EYS: variants seen among roughly 807,000 people sequenced by gnomAD.
The protein encoded by EYS is protein eyes shut homolog.
Under a neutral mutation model 282.1 loss-of-function variants are expected in EYS, and 250 were observed. The ratio of observed to expected loss-of-function variants is 0.89; its 90% CI spans 0.80 to 0.98. EYS has a LOEUF of 0.98. Ranked by LOEUF, EYS falls within the 50% of genes least tolerant of loss-of-function variation. The pLI is 0.00. For synonymous variants in EYS, 1,355 were observed against 1,282.9 expected, an observed-to-expected ratio of 1.06 and a Z score of -1.20; for missense variants, 4,016 against 3,709.0, an observed-to-expected ratio of 1.08 and a Z score of -2.15.
intron 13 of EYS, among the ~76,000 whole-genome samples, chr6:65,027,104 A>G (rs973385097): frequency 6.6e-6 from 1 of 151,932 alleles, no homozygotes; most frequent in Non-Finnish European, 1.5e-5. Flanking sequence ...TTACATGTAA[A>G]GTAGTTTCAG....
rs1274884825 is a variant in EYS, at chr6:63,721,705, C to CT, written c.8325dup (p.Val2776SerfsTer36). ...TGCCAAGTACTTCCGTTTATAGTTA[C>CT]TTTTTGGAGAGTTTCTAGAATGATA... On this transcript the variant is annotated frameshift_variant, in exon 43 of 43. Coordinates refer to ENST00000503581, the MANE Select transcript of EYS (RefSeq NM_001142800.2). LOFTEE classifies it low-confidence loss of function (END_TRUNC). 1 of 1,551,264 alleles carries CT rather than the reference C, an allele frequency of 6.4e-7. No homozygotes were observed. Among genetic ancestry groups the CT allele is most frequent in the Non-Finnish European group, 8.7e-7 (1 of 1,146,730 alleles).
At chr6:64,069,268 CATTT>C (rs1771483743) in intron 32 of EYS, among the ~76,000 whole-genome samples, 1 of 151,884 alleles carries the variant, frequency 6.6e-6, no homozygotes, top group Non-Finnish European at 1.5e-5. Flanking sequence ...ATCATTTTTT[CATTT>C]TCCATTTTGA....
At chr6:64,125,143 A>ACTCTCTCTCT (rs1562213495) in intron 31 of EYS, among the ~76,000 whole-genome samples, 4 of 147,298 alleles carry the variant, frequency 2.7e-5, no homozygotes, top group African/African-American at 1.1e-4. Context: ...ACACACACAC[A>ACTCTCTCTCT]CACACTCTCT....
chr6:65,270,005 A>G (rs1249017892), intron 12 of EYS, among the ~76,000 whole-genome samples: 1 of 152,162 alleles, frequency 6.6e-6, no homozygotes, highest in Non-Finnish European at 1.5e-5. Flanking sequence ...AACTTACACT[A>G]GCATCACCTC....
At chr6:64,239,737 G>A (rs1490110902) in intron 30 of EYS, among the ~76,000 whole-genome samples, 1 of 151,940 alleles carries the variant, frequency 6.6e-6, no homozygotes, top group Non-Finnish European at 1.5e-5. Flanking sequence ...TTCTTTTGCT[G>A]TGCTGAAGCT....
At chr6:64,452,636 G>C (rs1169084109) in intron 26 of EYS, among the ~76,000 whole-genome samples, 1 of 152,092 alleles carries the variant, frequency 6.6e-6, no homozygotes, top group Non-Finnish European at 1.5e-5. Flanking sequence ...AACCAAAACA[G>C]CATGGTACTG....
intron 12 of EYS, among the ~76,000 whole-genome samples, chr6:65,084,826 C>A (rs913969609): frequency 6.6e-6 from 1 of 152,086 alleles, no homozygotes; most frequent in Non-Finnish European, 1.5e-5. Flanking sequence ...TAGCATACAG[C>A]ATGCTGAAAC....
At chr6:65,234,973 T>C (rs1766886039) in intron 12 of EYS, among the ~76,000 whole-genome samples, 1 of 152,312 alleles carries the variant, frequency 6.6e-6, no homozygotes, top group Non-Finnish European at 1.5e-5. Flanking sequence ...TGGAGCATGA[T>C]GTGTTAAAAT....
At chr6:63,951,440 G>A (rs1765588836) in intron 35 of EYS, among the ~76,000 whole-genome samples, 1 of 151,986 alleles carries the variant, frequency 6.6e-6, no homozygotes, top group Non-Finnish European at 1.5e-5. Flanking sequence ...AATGTGACTT[G>A]TCCCAAATCC....
chr6:65,120,970 T>C (rs1775530871), intron 12 of EYS, among the ~76,000 whole-genome samples: 1 of 152,216 alleles, frequency 6.6e-6, no homozygotes, highest in African/African-American at 2.4e-5. Context: ...TCCGTTCTGC[T>C]GCACCATCCT....
chr6:65,102,792 C>T (rs1369362983), intron 12 of EYS, among the ~76,000 whole-genome samples: 3 of 151,040 alleles, frequency 2.0e-5, no homozygotes, highest in Non-Finnish European at 4.5e-5. Context: ...AATTAAAGCT[C>T]ATTATTGTGT....
intron 22 of EYS, among the ~76,000 whole-genome samples, chr6:64,758,905 G>A (rs545022820): frequency 1.1e-4 from 17 of 152,290 alleles, no homozygotes; most frequent in South Asian, 2.1e-4. Flanking sequence ...TTGGAAGGCC[G>A]AGGTCGGCGG....
At position 64,080,596 on chromosome 6, in the gene EYS, A is replaced by C. The variant is rs573118933; in HGVS notation, c.6571+1260T>G. Among the ~76,000 whole-genome samples, 3 of 152,262 alleles carry C rather than the reference A, an allele frequency of 2.0e-5. No homozygotes were observed. In the East Asian group the frequency reaches 5.8e-4, roughly 29 times the overall value. ...TTGGTCAATTTTGGCTTTTGTTGCC[A>C]TTGCTTCTGGTGTTTTAGACATGAA... On this transcript the variant is annotated intron_variant, in intron 32 of 42. Transcript: ENST00000503581.
intron 31 of EYS, among the ~76,000 whole-genome samples, chr6:64,092,262 T>C (rs1772393264): frequency 6.6e-6 from 1 of 152,244 alleles, no homozygotes; most frequent in Non-Finnish European, 1.5e-5. Flanking sequence ...TTTGGGTATA[T>C]ACCCAGTAAT....
chr6:65,517,689 AG>A (rs1248423021), intron 2 of EYS, among the ~76,000 whole-genome samples: 1 of 152,104 alleles, frequency 6.6e-6, no homozygotes, highest in Non-Finnish European at 1.5e-5. Context: ...ATTTAAGAAT[AG>A]TAGTATGAAA....
At chr6:64,960,777 T>G (rs1191043521) in intron 14 of EYS, among the ~76,000 whole-genome samples, 1 of 152,162 alleles carries the variant, frequency 6.6e-6, no homozygotes, top group African/African-American at 2.4e-5. Flanking sequence ...ATTAGTTATT[T>G]TTCCTGATCC....
chr6:65,362,845 TATAA>T (rs1035468569), intron 8 of EYS, among the ~76,000 whole-genome samples: 3 of 152,080 alleles, frequency 2.0e-5, no homozygotes, highest in African/African-American at 7.2e-5. Context: ...TTTTAAACTT[TATAA>T]ATACAGTGTC....
At chr6:65,278,108 G>A (rs1042736117) in intron 12 of EYS, among the ~76,000 whole-genome samples, 1 of 79,724 alleles carries the variant, frequency 1.3e-5, no homozygotes, top group Non-Finnish European at 2.8e-5. Flanking sequence ...TGGGTCTAGA[G>A]CCTGTTGGCC....
At chr6:65,612,090 A>G (rs1243003989) in intron 2 of EYS, among the ~76,000 whole-genome samples, 1 of 151,822 alleles carries the variant, frequency 6.6e-6, no homozygotes, top group Non-Finnish European at 1.5e-5. Flanking sequence ...GTATAAAAAT[A>G]TATTAAATTA....
Sources: allele counts gnomAD v4.1 joint callset (sites outside exome capture counted in the v4.1 genomes callset), GRCh38; gene constraint gnomAD v4.1.1; transcripts MANE v1.5; gene names NCBI Gene and HGNC (gene_info 2026-07-23, HGNC 2026-07-21).